Variants in ANKRD55 observed in about 807,000 individuals in gnomAD.
The protein encoded by ANKRD55 is ankyrin repeat domain 55.
A neutral mutation model predicts 60.6 loss-of-function variants in ANKRD55; 41 were observed. That is an observed-to-expected ratio of 0.68 (90% CI 0.53 to 0.88). The LOEUF is 0.88. ANKRD55 is among the 40% of genes least tolerant of loss of function. The pLI is 0.00. For synonymous variants in ANKRD55, 264 were observed against 290.3 expected (o/e 0.91, Z 0.92); for missense variants, 732 against 767.6 (o/e 0.95, Z 0.55).
At chr5:56,229,488 A>G (rs1380797086) in intron 2 of ANKRD55, among the ~76,000 whole-genome samples, 1 of 152,142 alleles carries the variant, frequency 6.6e-6, no homozygotes, top group African/African-American at 2.4e-5. Context: ...CTCTGTGAAT[A>G]TGTAATATAG....
Position 56,170,701 on chromosome 5 carries a change from C to T in ANKRD55, c.415G>A (p.Asp139Asn), listed in dbSNP as rs574664631. 18 of 1,613,940 alleles carry T rather than the reference C, an allele frequency of 1.1e-5. No homozygotes were observed. Among genetic ancestry groups the T allele is most frequent in the Middle Eastern group, 1.6e-4 (1 of 6,062 alleles). Residue 139 changes from aspartate (D) to asparagine (N), a missense_variant, in exon 5 of 12, where the codon GAT (aspartate) becomes AAT (asparagine). Transcript: ENST00000341048. The stretch of plus-strand genomic sequence containing the variant: ...GTAAACCTGGCCACTTACCTCATAT[C>T]GGGCTCAGCAGTGGCAGCATGCAGT... Reference protein sequence around the residue: ...LPLHAATAEPDMRLLTVLLQQ... With the variant: ...LPLHAATAEPNMRLLTVLLQQ...
At chr5:56,163,273 C>T (rs1758376328) in intron 5 of ANKRD55, among the ~76,000 whole-genome samples, 1 of 152,176 alleles carries the variant, frequency 6.6e-6, no homozygotes, top group South Asian at 2.1e-4. Flanking sequence ...GTGATACAGC[C>T]TGAACCAGAA....
At chr5:56,166,275 T>C (rs1331615238) in intron 5 of ANKRD55, among the ~76,000 whole-genome samples, 1 of 150,032 alleles carries the variant, frequency 6.7e-6, no homozygotes, top group Non-Finnish European at 1.5e-5. Flanking sequence ...CCTTCCTTCC[T>C]TCCTTCGGGT....
intron 4 of ANKRD55, among the ~76,000 whole-genome samples, chr5:56,171,232 G>A (rs1290128846): frequency 6.6e-6 from 1 of 152,166 alleles, no homozygotes; most frequent in Non-Finnish European, 1.5e-5. Flanking sequence ...GAGCTCCACT[G>A]CAATGGCTGG....
Position 56,150,546 on chromosome 5 carries a change from G to A in ANKRD55, c.484-6617C>T, listed in dbSNP as rs370230010. ...TTGAGCCTGGGAGGCAGAGGTTGCA[G>A]TGAACTGAGATTGCACCACTGCACT... On this transcript the variant is annotated intron_variant, in intron 6 of 11. Coordinates refer to ENST00000341048, the MANE Select transcript of ANKRD55 (RefSeq NM_024669.3). Among the ~76,000 whole-genome samples the A allele has an allele frequency of 1.1e-4, 17 of 152,218 alleles. No individual in the cohort carries two copies. In the South Asian group the frequency reaches 3.5e-3, roughly 32 times the overall value.
At chr5:56,146,571 C>T (rs1224889131) in intron 6 of ANKRD55, among the ~76,000 whole-genome samples, 2 of 152,184 alleles carry the variant, frequency 1.3e-5, no homozygotes, top group Non-Finnish European at 2.9e-5. Context: ...TGAACCACTG[C>T]ACCCGGCCGA....
intron 2 of ANKRD55, among the ~76,000 whole-genome samples, chr5:56,219,959 G>C (rs1242857513): frequency 6.6e-6 from 1 of 152,236 alleles, no homozygotes; most frequent in Non-Finnish European, 1.5e-5. Context: ...CAATTACTTA[G>C]TTCTGGCACT....
intron 6 of ANKRD55, among the ~76,000 whole-genome samples, chr5:56,150,733 A>G (rs1014756900): frequency 6.6e-6 from 1 of 152,164 alleles, no homozygotes; most frequent in African/African-American, 2.4e-5. Flanking sequence ...TCCCGCCTCT[A>G]CTAAAAAATA....
intron 6 of ANKRD55, among the ~76,000 whole-genome samples, chr5:56,151,044 G>C (rs1758029277): frequency 2.0e-5 from 3 of 152,096 alleles, no homozygotes; most frequent in Admixed American, 2.0e-4. Flanking sequence ...TTTAAATAGA[G>C]ATGAGGTTTA....
intron 6 of ANKRD55, among the ~76,000 whole-genome samples, chr5:56,148,204 C>T (rs1757946632): frequency 1.3e-5 from 2 of 152,188 alleles, no homozygotes; most frequent in South Asian, 2.1e-4. Context: ...ATAAGACAGC[C>T]ATCTGTGTCC....
chr5:56,107,957 C>T (rs929444918), intron 10 of ANKRD55, among the ~76,000 whole-genome samples: 6 of 151,870 alleles, frequency 4.0e-5, no homozygotes, highest in Admixed American at 2.6e-4. Context: ...GCAACCTCTG[C>T]CTCCCAGGCT....
rs564826821 is a variant in ANKRD55 at position 56,115,823 on chromosome 5, C to T, written c.965+792G>A. ...TTATTAATTTAAATGGATAACAATG[C>T]ATATTTTATTAAAAATTTCTCATTT... On this transcript the variant is annotated intron_variant, in intron 9 of 11. Coordinates refer to ENST00000341048, the MANE Select transcript of ANKRD55 (RefSeq NM_024669.3). 3.3e-5 allele frequency among the ~76,000 whole-genome samples: 5 copies of T among 152,000 alleles called. No individual in the cohort carries two copies. In the East Asian group the frequency reaches 7.7e-4, roughly 23 times the overall value.
intron 11 of ANKRD55, among the ~76,000 whole-genome samples, chr5:56,101,827 G>A (rs1023092963): frequency 2.6e-5 from 4 of 151,764 alleles, no homozygotes; most frequent in Non-Finnish European, 2.9e-5. Flanking sequence ...GTACAGAGGC[G>A]ATGTACATTT....
At chr5:56,137,761 T>C (rs557666041) in intron 7 of ANKRD55, among the ~76,000 whole-genome samples, 1 of 152,090 alleles carries the variant, frequency 6.6e-6, no homozygotes, top group East Asian at 1.9e-4. Context: ...TAGAAGAAAA[T>C]ATTTGTAAAA....
In ANKRD55 at chr5:56,111,762, G is replaced by A. The variant is rs760232535; in HGVS notation, c.986C>T (p.Pro329Leu). Residue 329 changes from proline to leucine, a missense_variant, in exon 10 of 12, where the codon CCT (proline) becomes CTT (leucine). This residue lies in a region of ANKRD55 where 597 missense variants were observed against 607.5 expected (regional missense o/e 0.98). Transcript: ENST00000341048. ...CTGGGGCCGACTGCTCTGGGAGGGA[G>A]GGGGTCGAGTAGGCTCTGTTCTATG... ...QESRTEPTRP[P>L]PSQSSRPQKK... The A allele has an allele frequency of 7.3e-6, 11 of 1,512,866 alleles. No individual in the cohort carries two copies. The highest frequency in any genetic ancestry group is 9.7e-6 in the Non-Finnish European group (11 of 1,135,226). The allele number at this position is 1,512,866 out of a possible 1,614,324, so 93.7% of individuals were successfully genotyped here. A position where few individuals can be genotyped will look rare whatever the true frequency, so the allele number is the denominator to read the frequency against.
At chr5:56,194,518 G>A (rs753878687) in intron 2 of ANKRD55, among the ~76,000 whole-genome samples, 3 of 151,988 alleles carry the variant, frequency 2.0e-5, no homozygotes, top group South Asian at 2.1e-4. Flanking sequence ...AATAAGACTG[G>A]CACTTATCCT....
At chr5:56,197,726 TATC>T (rs1229723482) in intron 2 of ANKRD55, among the ~76,000 whole-genome samples, 3 of 152,204 alleles carry the variant, frequency 2.0e-5, no homozygotes, top group Non-Finnish European at 4.4e-5. Context: ...TGTTTTCAAA[TATC>T]ATAAATTTCA....
chr5:56,203,714 T>G (rs991218642), intron 2 of ANKRD55, among the ~76,000 whole-genome samples: 8 of 152,220 alleles, frequency 5.3e-5, no homozygotes, highest in African/African-American at 1.7e-4. Context: ...ATGTGCCACA[T>G]TTTCTTAATC....
intron 5 of ANKRD55, among the ~76,000 whole-genome samples, chr5:56,170,093 G>A (rs762896978): frequency 2.0e-4 from 30 of 152,232 alleles, no homozygotes; most frequent in Middle Eastern, 6.8e-3. Context: ...CACACTTCTG[G>A]TTTCCTTCTA....
Sources: gnomAD v4.1 joint callset for allele counts (sites outside exome capture counted in the v4.1 genomes callset) on GRCh38, gnomAD v4.1.1 for gene constraint, gnomAD v4.1.1 regional missense constraint, MANE v1.5 for transcripts, NCBI Gene and HGNC (gene_info 2026-07-23, HGNC 2026-07-21) for gene names.